Variants in RHBDD1 observed in about 807,000 individuals in gnomAD.
RHBDD1 encodes the protein rhomboid-related protein 4.
RHBDD1 carries 38 observed loss-of-function variants against 36.3 expected under a neutral mutation model. That is an observed-to-expected ratio of 1.05 (90% CI 0.81 to 1.37). The LOEUF (loss-of-function observed/expected upper bound fraction) is 1.37, where lower values mean the gene tolerates loss of function less well. RHBDD1 is among the 40% of genes most tolerant of loss of function. The probability of loss-of-function intolerance (pLI) is 0.00; values close to 1 mark genes in which losing one functional copy is unlikely to be tolerated. For missense variants in RHBDD1, 393 were observed against 377.6 expected (o/e 1.04, Z -0.34); for synonymous variants, 151 against 136.5 (o/e 1.11, Z -0.74).
the RHBDD1 span, among the ~76,000 whole-genome samples, chr2:226,823,122 G>A: frequency 1.3e-5 from 2 of 152,084 alleles, no homozygotes; most frequent in Non-Finnish European, 2.9e-5. Context: ...ATGAGATTAC[G>A]TCTCAAAATA....
chr2:226,977,639 T>C (rs1954843556), intron 8 of RHBDD1, among the ~76,000 whole-genome samples: 1 of 152,200 alleles, frequency 6.6e-6, no homozygotes. Context: ...ATAATAGTTG[T>C]CATCCGAGGT....
chr2:226,882,966 A>T (rs1945896184), intron 5 of RHBDD1, among the ~76,000 whole-genome samples: 2 of 152,138 alleles, frequency 1.3e-5, no homozygotes, highest in Non-Finnish European at 2.9e-5. Context: ...AAAGGCACTA[A>T]TCCCTTCACA....
intron 8 of RHBDD1, among the ~76,000 whole-genome samples, chr2:226,984,655 G>A (rs1283831006): frequency 5.3e-5 from 8 of 152,166 alleles, no homozygotes; most frequent in Admixed American, 3.3e-4. Flanking sequence ...CCCTGGGGTC[G>A]TAGGCTAAGG....
At chr2:226,956,355 G>A (rs187671035) in intron 8 of RHBDD1, among the ~76,000 whole-genome samples, 4 of 152,248 alleles carry the variant, frequency 2.6e-5, no homozygotes, top group Admixed American at 6.5e-5. Flanking sequence ...CTCCAGACAC[G>A]TCCCCCCGGC....
the RHBDD1 span, among the ~76,000 whole-genome samples, chr2:226,810,563 A>AAAAAAAAAAC: frequency 6.6e-6 from 1 of 151,108 alleles, no homozygotes; most frequent in Non-Finnish European, 1.5e-5. Context: ...AAAAAAAAAA[A>AAAAAAAAAAC]AAGTGAATGT....
chr2:226,949,673 G>A (rs1426438736), intron 8 of RHBDD1, among the ~76,000 whole-genome samples: 1 of 152,172 alleles, frequency 6.6e-6, no homozygotes, highest in Non-Finnish European at 1.5e-5. Context: ...AAATACCACA[G>A]TCTGGGTAGT....
At chr2:226,986,593 C>G (rs1036858438) in intron 8 of RHBDD1, among the ~76,000 whole-genome samples, 12 of 152,298 alleles carry the variant, frequency 7.9e-5, no homozygotes, top group Non-Finnish European at 7.4e-5. Flanking sequence ...CTCATCATCA[C>G]TGGTCATTAG....
intron 3 of RHBDD1, 75 bp from the exon 4 acceptor site, chr2:226,864,529 T>A (rs1344741079): frequency 8.3e-6 from 5 of 604,332 alleles, no homozygotes; most frequent in East Asian, 2.8e-5. Flanking sequence ...CATGGGAGTT[T>A]GTCTTGAAGC....
intron 8 of RHBDD1, among the ~76,000 whole-genome samples, chr2:226,950,473 G>A (rs1157820414): frequency 6.6e-6 from 1 of 152,088 alleles, no homozygotes; most frequent in Admixed American, 6.6e-5. Context: ...GTTGATTACT[G>A]GCTATTGTGA....
At chr2:226,820,670 G>GA in the RHBDD1 span, among the ~76,000 whole-genome samples, 13 of 114,960 alleles carry the variant, frequency 1.1e-4, no homozygotes, top group Admixed American at 1.7e-4. Context: ...AAAAAAAAAA[G>GA]AAAAAAAAAA....
At chr2:226,953,638 G>A (rs1438777068) in intron 8 of RHBDD1, among the ~76,000 whole-genome samples, 1 of 152,092 alleles carries the variant, frequency 6.6e-6, no homozygotes, top group Admixed American at 6.6e-5. Flanking sequence ...AAGTTCTTCA[G>A]GAAGCAGTAA....
intron 8 of RHBDD1, among the ~76,000 whole-genome samples, chr2:226,922,350 G>C (rs955438291): frequency 6.6e-6 from 1 of 151,748 alleles, no homozygotes; most frequent in Non-Finnish European, 1.5e-5. Context: ...TGGGACTACA[G>C]GTGCCTGCTG....
intron 8 of RHBDD1, among the ~76,000 whole-genome samples, chr2:226,993,108 C>T (rs181377861): frequency 6.6e-6 from 1 of 152,304 alleles, no homozygotes; most frequent in Non-Finnish European, 1.5e-5. Flanking sequence ...GCTGGCTGCT[C>T]CTTTTGAGAG....
Position 226,865,731 on chromosome 2 carries a change from G to C in RHBDD1, c.433+605G>C, listed in dbSNP as rs767280810. On this transcript the variant is annotated intron_variant, in intron 4 of 8. Coordinates refer to ENST00000392062, the MANE Select transcript of RHBDD1 (RefSeq NM_001167608.3). Reference sequence around the variant, plus strand: ...CCAGGTACAAACCTAGGAATCACATGAATCACTGGGCAAAGCTTTGAAAGA... The same window carrying C: ...CCAGGTACAAACCTAGGAATCACATCAATCACTGGGCAAAGCTTTGAAAGA... Among the ~76,000 whole-genome samples the C allele has an allele frequency of 1.0e-3, 158 of 152,214 alleles. 2 individuals are homozygous for C. Among genetic ancestry groups the C allele is most frequent in the Middle Eastern group, 3.2e-3 (1 of 316 alleles).
At chr2:226,870,115 G>C (rs1944663372) in intron 5 of RHBDD1, among the ~76,000 whole-genome samples, 1 of 152,198 alleles carries the variant, frequency 6.6e-6, no homozygotes, top group Non-Finnish European at 1.5e-5. Context: ...TACTAGAGGA[G>C]AGCGGTTGAA....
the RHBDD1 span, among the ~76,000 whole-genome samples, chr2:226,807,865 C>T: frequency 6.6e-6 from 1 of 152,042 alleles, no homozygotes; most frequent in East Asian, 1.9e-4. Context: ...TTTGGGAGGC[C>T]GAGGCGGGCA....
chr2:226,927,461 A>T (rs1949741053), intron 8 of RHBDD1, among the ~76,000 whole-genome samples: 1 of 152,034 alleles, frequency 6.6e-6, no homozygotes, highest in Non-Finnish European at 1.5e-5. Context: ...ATTTGTGTAA[A>T]TATAAGTTTT....
At chr2:226,836,919 A>G (rs991708807) in intron 1 of RHBDD1, among the ~76,000 whole-genome samples, 5 of 152,344 alleles carry the variant, frequency 3.3e-5, no homozygotes, top group Admixed American at 2.6e-4. Flanking sequence ...TCAAAGAAGA[A>G]TAGAAGTGCA....
chr2:226,883,455 G>C (rs1945945812), intron 5 of RHBDD1, among the ~76,000 whole-genome samples: 1 of 152,228 alleles, frequency 6.6e-6, no homozygotes, highest in African/African-American at 2.4e-5. Context: ...TTTAGGGTCT[G>C]TTTTACCCAA....
Sources: allele counts gnomAD v4.1 joint callset (sites outside exome capture counted in the v4.1 genomes callset), GRCh38; gene constraint gnomAD v4.1.1; transcripts MANE v1.5; gene names NCBI Gene and HGNC (gene_info 2026-07-23, HGNC 2026-07-21).